Variants in SH3PXD2A observed in about 807,000 individuals in gnomAD.
The protein encoded by SH3PXD2A is SH3 and PX domains 2A, also known as SH3 and PX domain-containing protein 2A.
Under a neutral mutation model 115.2 loss-of-function variants are expected in SH3PXD2A, and 32 were observed. The ratio of observed to expected loss-of-function variants is 0.28; its 90% CI spans 0.21 to 0.37. SH3PXD2A has a LOEUF of 0.37. Ranked by LOEUF, SH3PXD2A falls within the 10% of genes least tolerant of loss-of-function variation. SH3PXD2A has a pLI of 1.00. For missense variants in SH3PXD2A, 1,328 were observed against 1,498.7 expected, an observed-to-expected ratio of 0.89 and a Z score of 1.88; for synonymous variants, 610 against 629.1, an observed-to-expected ratio of 0.97 and a Z score of 0.45.
chr10:103,619,643 C>T (rs947500018), intron 10 of SH3PXD2A, among the ~76,000 whole-genome samples: 9 of 152,238 alleles, frequency 5.9e-5, no homozygotes, highest in South Asian at 4.2e-4. Context: ...TCCCGGGGTG[C>T]GTGGAAGACA....
chr10:103,737,587 TG>T (rs1302234797), intron 3 of SH3PXD2A, among the ~76,000 whole-genome samples: 1 of 152,132 alleles, frequency 6.6e-6, no homozygotes, highest in Non-Finnish European at 1.5e-5. Flanking sequence ...TCAATTCTGC[TG>T]GGGGGCTCCA....
intron 3 of SH3PXD2A, among the ~76,000 whole-genome samples, chr10:103,765,412 A>G (rs567676025): frequency 6.6e-6 from 1 of 152,292 alleles, no homozygotes; most frequent in East Asian, 1.9e-4. Context: ...CCTGCCTTAA[A>G]TGGTCCTGGG....
At chr10:103,736,272 C>T (rs2038379674) in intron 3 of SH3PXD2A, among the ~76,000 whole-genome samples, 1 of 152,206 alleles carries the variant, frequency 6.6e-6, no homozygotes, top group Non-Finnish European at 1.5e-5. Flanking sequence ...TGGCTCCTTC[C>T]AGGGCGGGCA....
At chr10:103,819,054 A>G (rs1036479281) in intron 1 of SH3PXD2A, among the ~76,000 whole-genome samples, 2 of 152,210 alleles carry the variant, frequency 1.3e-5, no homozygotes, top group East Asian at 3.8e-4. Flanking sequence ...GACTTGGTAG[A>G]TCCTCAGTAA....
intron 12 of SH3PXD2A, 48 bp downstream of exon 12, chr10:103,612,805 C>T: frequency 6.5e-6 from 9 of 1,389,136 alleles, no homozygotes; most frequent in Non-Finnish European, 8.8e-6. Flanking sequence ...CATGCCCATT[C>T]TCTAAGGAGC....
Position 103,603,608 on chromosome 10 carries a change from C to T in SH3PXD2A, c.1610G>A (p.Gly537Asp), listed in dbSNP as rs956097860. The T allele has an allele frequency of 1.9e-6, 3 of 1,604,340 alleles. No individual in the cohort carries two copies. Among genetic ancestry groups the T allele is most frequent in the East Asian group, 2.2e-5 (1 of 44,856 alleles). The change falls in exon 15 of 15, where the codon GGC becomes GAC. Residue 537 changes from glycine (G) to aspartate (D), a missense_variant. Gly to Asp is a moderately conservative substitution (Grantham distance 94). Around this residue, in one of 5 missense-constraint regions of SH3PXD2A, gnomAD observed 509 missense variants for 628.3 expected, o/e 0.81. Coordinates refer to ENST00000369774, the MANE Select transcript of SH3PXD2A (RefSeq NM_001394015.1). ...CTGGCTCTCACTGGCCCCCGTAGGG[C>T]CCTCCTCGGCCTCCTTGGGCTTGCT... ...PPSKPKEAEE[G>D]PTGASESQDS...
At chr10:103,849,978 T>C (rs1230724736) in intron 1 of SH3PXD2A, among the ~76,000 whole-genome samples, 1 of 152,210 alleles carries the variant, frequency 6.6e-6, no homozygotes, top group East Asian at 1.9e-4. Flanking sequence ...AGTTGCCCAT[T>C]AGACTTTTTC....
chr10:103,691,410 T>C (rs2037749829), intron 6 of SH3PXD2A, among the ~76,000 whole-genome samples: 1 of 152,136 alleles, frequency 6.6e-6, no homozygotes, highest in Non-Finnish European at 1.5e-5. Flanking sequence ...AGCCAGAATT[T>C]GAGCCCAGGT....
chr10:103,794,922 G>A (rs190052807), intron 2 of SH3PXD2A, among the ~76,000 whole-genome samples: 3 of 152,344 alleles, frequency 2.0e-5, no homozygotes, highest in Non-Finnish European at 4.4e-5. Context: ...AAACTGTGCA[G>A]GAGAATAATC....
intron 5 of SH3PXD2A, among the ~76,000 whole-genome samples, chr10:103,707,671 A>G (rs2037998022): frequency 6.6e-6 from 1 of 151,806 alleles, no homozygotes; most frequent in Non-Finnish European, 1.5e-5. Flanking sequence ...CATGTACATT[A>G]TTTCAGTTAA....
intron 1 of SH3PXD2A, among the ~76,000 whole-genome samples, chr10:103,854,344 G>A (rs1362264957): frequency 1.3e-5 from 2 of 152,082 alleles, no homozygotes; most frequent in East Asian, 3.9e-4. Flanking sequence ...GACGCTCAGA[G>A]GGGTCAAGGA....
At chr10:103,843,060 TG>T (rs2039615591) in intron 1 of SH3PXD2A, among the ~76,000 whole-genome samples, 1 of 152,178 alleles carries the variant, frequency 6.6e-6, no homozygotes, top group Non-Finnish European at 1.5e-5. Context: ...ATGATAACGC[TG>T]GTGATAGCAA....
chr10:103,750,971 C>T (rs974000590), intron 3 of SH3PXD2A, among the ~76,000 whole-genome samples: 1 of 152,198 alleles, frequency 6.6e-6, no homozygotes, highest in African/African-American at 2.4e-5. Flanking sequence ...GAGGCTGGCA[C>T]TGCCGCAGAA....
At chr10:103,739,719 T>C (rs1040818313) in intron 3 of SH3PXD2A, among the ~76,000 whole-genome samples, 2 of 152,176 alleles carry the variant, frequency 1.3e-5, no homozygotes, top group African/African-American at 4.8e-5. Context: ...AGGAATCTGA[T>C]GAGCATCGCA....
chr10:103,761,652 C>G (rs1323645391), intron 3 of SH3PXD2A, among the ~76,000 whole-genome samples: 1 of 152,184 alleles, frequency 6.6e-6, no homozygotes, highest in Non-Finnish European at 1.5e-5. Flanking sequence ...CCACCTGCCA[C>G]CCACACAGGG....
At chr10:103,708,421 C>T (rs2038007620) in intron 5 of SH3PXD2A, among the ~76,000 whole-genome samples, 1 of 152,156 alleles carries the variant, frequency 6.6e-6, no homozygotes, top group Admixed American at 6.5e-5. Flanking sequence ...AGGAGAAGGG[C>T]ACCAGGAAAC....
At chr10:103,633,997 G>C (rs974579162) in intron 8 of SH3PXD2A, among the ~76,000 whole-genome samples, 2 of 152,168 alleles carry the variant, frequency 1.3e-5, no homozygotes, top group Non-Finnish European at 2.9e-5. Context: ...TGCCCAGCGG[G>C]CCCCTGTGCC....
At position 103,611,574 on chromosome 10, in the gene SH3PXD2A, C is replaced by T. The variant is rs775538506; in HGVS notation, c.1308+7G>A. On this transcript the variant is annotated splice_region_variant and intron_variant, in intron 13 of 14. Transcript: ENST00000369774. ...AGGAAAGGGGAGAAGAAATTCAGTA[C>T]ACATACCAGGCTGGATTCTCTGCGT... 23 of 1,613,312 alleles carry T rather than the reference C, an allele frequency of 1.4e-5. No individual in the cohort carries two copies. Among genetic ancestry groups the T allele is most frequent in the South Asian group, 1.3e-4 (12 of 91,066 alleles).
At position 103,675,535 on chromosome 10, in the gene SH3PXD2A, G is replaced by A. The variant is rs552482486; in HGVS notation, c.428-6883C>T. Among the ~76,000 whole-genome samples the A allele has an allele frequency of 3.9e-5, 6 of 152,246 alleles. No individual in the cohort carries two copies. The East Asian group carries it at 1.2e-3, about 29-fold the overall frequency. ...TTCTTGGTGGTACCCCCACAGGCTG[G>A]AAGGACTATTTAGGGTCTCAGAACC... On this transcript the variant is annotated intron_variant, in intron 6 of 14. Coordinates refer to ENST00000369774, the MANE Select transcript of SH3PXD2A (RefSeq NM_001394015.1).
Sources: allele counts gnomAD v4.1 joint callset (sites outside exome capture counted in the v4.1 genomes callset), GRCh38; gene constraint gnomAD v4.1.1; regional missense constraint gnomAD v4.1.1; transcripts MANE v1.5; gene names NCBI Gene and HGNC (gene_info 2026-07-23, HGNC 2026-07-21).